Variants in SLC10A7 observed in about 807,000 individuals in gnomAD.
The protein encoded by SLC10A7 is sodium/bile acid cotransporter 7.
In SLC10A7, 29 loss-of-function variants were observed where a neutral mutation model predicts 43.2. That is an observed-to-expected ratio of 0.67 (90% CI 0.50 to 0.92). The LOEUF is 0.92. Among genes scored for constraint, SLC10A7 ranks in the 40% least tolerant of loss-of-function variants. SLC10A7 has a pLI of 0.00. For missense variants in SLC10A7, 295 were observed against 403.2 expected, an observed-to-expected ratio of 0.73 and a Z score of 2.30; for synonymous variants, 152 against 144.8, an observed-to-expected ratio of 1.05 and a Z score of -0.35.
At chr4:146,492,021 T>G (rs1283285421) in intron 4 of SLC10A7, among the ~76,000 whole-genome samples, 1 of 151,938 alleles carries the variant, frequency 6.6e-6, no homozygotes, top group Non-Finnish European at 1.5e-5. Context: ...ATTGAGACCA[T>G]CCTGGCTAAC....
chr4:146,379,201 T>C (rs1308581859), intron 5 of SLC10A7, among the ~76,000 whole-genome samples: 2 of 152,218 alleles, frequency 1.3e-5, no homozygotes, highest in Non-Finnish European at 2.9e-5. Context: ...TTTAGACATA[T>C]GCTGGTCCAA....
chr4:146,372,564 GC>G (rs1437991927), intron 5 of SLC10A7, among the ~76,000 whole-genome samples: 2 of 151,438 alleles, frequency 1.3e-5, no homozygotes, highest in South Asian at 4.2e-4. Flanking sequence ...TACTCATATT[GC>G]CCACTAAGTA....
intron 9 of SLC10A7, among the ~76,000 whole-genome samples, chr4:146,286,278 G>T (rs1480081488): frequency 1.3e-5 from 2 of 151,680 alleles, no homozygotes; most frequent in East Asian, 1.9e-4. Flanking sequence ...GACCGTGTTT[G>T]GAGTGGTGAG....
At chr4:146,396,082 ATAT>A (rs1553966296) in intron 5 of SLC10A7, among the ~76,000 whole-genome samples, 2 of 152,180 alleles carry the variant, frequency 1.3e-5, no homozygotes, top group Non-Finnish European at 2.9e-5. Flanking sequence ...TGGCTCAGAC[ATAT>A]TATATAAAAG....
At chr4:146,405,815 A>G (rs939057904) in intron 5 of SLC10A7, among the ~76,000 whole-genome samples, 1 of 152,030 alleles carries the variant, frequency 6.6e-6, no homozygotes, top group African/African-American at 2.4e-5. Flanking sequence ...GGCAGAAGGA[A>G]GAGTTTTTTT....
intron 4 of SLC10A7, among the ~76,000 whole-genome samples, chr4:146,450,711 T>C (rs965023028): frequency 1.6e-4 from 25 of 152,286 alleles, no homozygotes; most frequent in African/African-American, 5.3e-4. Context: ...CAAAGGTGGG[T>C]GTAAGGACTG....
intron 5 of SLC10A7, among the ~76,000 whole-genome samples, chr4:146,380,009 A>T (rs1737501076): frequency 1.3e-5 from 2 of 151,120 alleles, no homozygotes; most frequent in African/African-American, 4.9e-5. Context: ...GAATATGGGT[A>T]AGCAAGCAAG....
rs1233300893 is a variant in SLC10A7 at position 146,351,069 on chromosome 4, T to G, written c.436-25073A>C. Among the ~76,000 whole-genome samples the G allele has an allele frequency of 6.0e-5, 9 of 150,540 alleles. No homozygotes were observed. In the East Asian group the frequency reaches 1.7e-3, roughly 29 times the overall value. On this transcript the variant is annotated intron_variant, in intron 5 of 11. Transcript: ENST00000335472. ...CGAGCTGAGAGAAGAAGGCTTCAGATGATCAAATTACTCTGAGCTACAGGA... is the reference window on the plus strand; with the variant it reads ...CGAGCTGAGAGAAGAAGGCTTCAGAGGATCAAATTACTCTGAGCTACAGGA...
intron 5 of SLC10A7, among the ~76,000 whole-genome samples, chr4:146,392,651 A>T (rs181063917): frequency 8.5e-5 from 13 of 152,200 alleles, no homozygotes; most frequent in African/African-American, 3.1e-4. Context: ...AATATCCACC[A>T]ATATTTTTCC....
rs141086483 is a variant in SLC10A7 at position 146,497,762 on chromosome 4, C to T, written c.396+6087G>A. 3.4e-4 allele frequency among the ~76,000 whole-genome samples: 51 copies of T among 152,228 alleles called. 1 individual carries two copies. In the East Asian group the frequency reaches 6.8e-3, roughly 20 times the overall value. On this transcript the variant is annotated intron_variant, in intron 4 of 11. Coordinates refer to ENST00000335472, the MANE Select transcript of SLC10A7 (RefSeq NM_001029998.6). ...AAAACCACATAACTCCCTCTCCAAA[C>T]ATAGGGGAATAATTTTCTAGTTTCT...
At chr4:146,404,564 A>G (rs184352745) in intron 5 of SLC10A7, among the ~76,000 whole-genome samples, 11 of 149,052 alleles carry the variant, frequency 7.4e-5, no homozygotes, top group Non-Finnish European at 1.5e-4. Context: ...ATATGTTTCT[A>G]TTTGATCTGT....
At chr4:146,423,555 T>C (rs1334802495) in intron 5 of SLC10A7, among the ~76,000 whole-genome samples, 5 of 152,060 alleles carry the variant, frequency 3.3e-5, no homozygotes, top group African/African-American at 1.2e-4. Flanking sequence ...AAGCATAAAA[T>C]CTACATCAAA....
chr4:146,453,907 G>A (rs1331231784), intron 4 of SLC10A7, among the ~76,000 whole-genome samples: 1 of 151,914 alleles, frequency 6.6e-6, no homozygotes. Context: ...GGGCAAGAGA[G>A]GAAGGGCAAA....
chr4:146,457,236 CT>C (rs1389609792), intron 4 of SLC10A7, among the ~76,000 whole-genome samples: 1 of 151,050 alleles, frequency 6.6e-6, no homozygotes, highest in African/African-American at 2.4e-5. Context: ...CTATTCTTTC[CT>C]TTTATTTTAA....
chr4:146,398,962 G>A (rs1238241688), intron 5 of SLC10A7, among the ~76,000 whole-genome samples: 1 of 152,254 alleles, frequency 6.6e-6, no homozygotes, highest in Non-Finnish European at 1.5e-5. Context: ...CGACTCTCTA[G>A]TGGAGATTGA....
intron 5 of SLC10A7, among the ~76,000 whole-genome samples, chr4:146,429,782 G>T (rs897024661): frequency 1.1e-4 from 17 of 152,074 alleles, no homozygotes; most frequent in African/African-American, 4.1e-4. Flanking sequence ...GGACAGCTAG[G>T]ATAATAGAAT....
intron 4 of SLC10A7, among the ~76,000 whole-genome samples, chr4:146,450,865 A>G (rs1268028947): frequency 6.6e-6 from 1 of 152,134 alleles, no homozygotes; most frequent in East Asian, 1.9e-4. Context: ...TCACTTCAAT[A>G]ACCCAGAACA....
At chr4:146,303,562 T>C (rs1442328970) in intron 7 of SLC10A7, among the ~76,000 whole-genome samples, 1 of 151,998 alleles carries the variant, frequency 6.6e-6, no homozygotes, top group African/African-American at 2.4e-5. Flanking sequence ...GTATTTTTAA[T>C]AGAAACAGGG....
chr4:146,385,630 G>A (rs1224087354), intron 5 of SLC10A7, among the ~76,000 whole-genome samples: 1 of 152,036 alleles, frequency 6.6e-6, no homozygotes, highest in Non-Finnish European at 1.5e-5. Context: ...AGATGCAAGG[G>A]GTACACATGC....
Sources: allele counts gnomAD v4.1 joint callset (sites outside exome capture counted in the v4.1 genomes callset), GRCh38; gene constraint gnomAD v4.1.1; transcripts MANE v1.5; gene names NCBI Gene and HGNC (gene_info 2026-07-23, HGNC 2026-07-21).